Variants in MARCHF1 observed in about 807,000 individuals in gnomAD.
MARCHF1 encodes membrane associated ring-CH-type finger 1, also known as E3 ubiquitin-protein ligase MARCHF1.
In MARCHF1, 40 loss-of-function variants were observed where a neutral mutation model predicts 54.2. The ratio of observed to expected loss-of-function variants is 0.74; its 90% CI spans 0.57 to 0.96. The LOEUF (loss-of-function observed/expected upper bound fraction) is 0.96, where lower values mean the gene tolerates loss of function less well. Ranked by LOEUF, MARCHF1 falls within the 40% of genes least tolerant of loss-of-function variation. MARCHF1 has a pLI of 0.00. For synonymous variants in MARCHF1, 236 were observed against 236.3 expected, an observed-to-expected ratio of 1.00 and a Z score of 0.01; for missense variants, 586 against 656.5, an observed-to-expected ratio of 0.89 and a Z score of 1.17.
chr4:164,189,867 G>A lies in MARCHF1; in HGVS notation c.-322-78205C>T. 3 of 1,590,154 alleles carry A rather than the reference G, an allele frequency of 1.9e-6. No homozygotes were observed. In the South Asian group the frequency reaches 3.3e-5, roughly 18 times the overall value. ...TCCTCGTGGGGTCCCACAGATTGAA[G>A]TCACCTTTGAGATAGATGTGAATGG... is the stretch of plus-strand genomic sequence containing the variant. On this transcript the variant is annotated intron_variant, in intron 1 of 9. Coordinates refer to ENST00000514618, the MANE Select transcript of MARCHF1 (RefSeq NM_001394959.1).
At chr4:164,301,814 GA>G (rs1432236549) in intron 1 of MARCHF1, among the ~76,000 whole-genome samples, 1 of 152,206 alleles carries the variant, frequency 6.6e-6, no homozygotes, top group African/African-American at 2.4e-5. Flanking sequence ...TCGAATGCTG[GA>G]AATGGTCATG....
At chr4:163,618,549 T>C (rs1457752472) in intron 5 of MARCHF1, among the ~76,000 whole-genome samples, 3 of 152,172 alleles carry the variant, frequency 2.0e-5, no homozygotes, top group Non-Finnish European at 2.9e-5. Context: ...TTTTCACATG[T>C]ATTGCTGTCC....
chr4:164,352,482 C>T (rs1578889660), intron 1 of MARCHF1, among the ~76,000 whole-genome samples: 1 of 142,034 alleles, frequency 7.0e-6, no homozygotes, highest in South Asian at 2.5e-4. Context: ...AAAGAATTTT[C>T]AACCCAGAAT....
intron 5 of MARCHF1, among the ~76,000 whole-genome samples, chr4:163,661,526 G>A (rs1372915984): frequency 6.6e-6 from 1 of 151,724 alleles, no homozygotes; most frequent in Non-Finnish European, 1.5e-5. Context: ...TTTTCTAGAT[G>A]CTTTTCTTTT....
chr4:163,852,723 C>A (rs537609735), intron 4 of MARCHF1, among the ~76,000 whole-genome samples: 1 of 152,234 alleles, frequency 6.6e-6, no homozygotes, highest in Admixed American at 6.5e-5. Context: ...AAGTGAAAGC[C>A]TATTCTTTCA....
At chr4:164,021,446 C>G (rs1487841450) in intron 2 of MARCHF1, among the ~76,000 whole-genome samples, 2 of 152,030 alleles carry the variant, frequency 1.3e-5, no homozygotes, top group South Asian at 2.1e-4. Context: ...ACTTATTTAT[C>G]TTTGTTTTTC....
At chr4:163,720,418 T>G (rs1160503560) in intron 4 of MARCHF1, among the ~76,000 whole-genome samples, 3 of 152,222 alleles carry the variant, frequency 2.0e-5, no homozygotes, top group Non-Finnish European at 4.4e-5. Context: ...CCATGCTGTT[T>G]TGGTTACTGT....
intron 4 of MARCHF1, among the ~76,000 whole-genome samples, chr4:163,710,644 C>T (rs1745081242): frequency 6.6e-6 from 1 of 151,944 alleles, no homozygotes; most frequent in Non-Finnish European, 1.5e-5. Context: ...TAAGTTTACA[C>T]ACTCTTGTAC....
At chr4:163,991,261 A>G (rs1038495967) in intron 2 of MARCHF1, among the ~76,000 whole-genome samples, 3 of 152,212 alleles carry the variant, frequency 2.0e-5, no homozygotes, top group African/African-American at 7.2e-5. Flanking sequence ...ATATTTATCT[A>G]ACATTGTATT....
intron 4 of MARCHF1, among the ~76,000 whole-genome samples, chr4:163,801,844 A>G (rs191439476): frequency 9.9e-5 from 15 of 152,250 alleles, no homozygotes; most frequent in Admixed American, 3.3e-4. Flanking sequence ...GTTGTTGCCT[A>G]TATAAGTTCT....
intron 4 of MARCHF1, among the ~76,000 whole-genome samples, chr4:163,751,033 G>T (rs930195730): frequency 6.6e-6 from 1 of 152,046 alleles, no homozygotes; most frequent in African/African-American, 2.4e-5. Context: ...ATGGAAGAAT[G>T]ACCACAAAAA....
Position 163,869,975 on chromosome 4 carries a change from G to A in MARCHF1, c.-38-15806C>T, listed in dbSNP as rs1327045545. Among the ~76,000 whole-genome samples, 3 of 152,130 alleles carry A rather than the reference G, an allele frequency of 2.0e-5. No individual in the cohort carries two copies. The East Asian group carries it at 5.8e-4, about 29-fold the overall frequency. ...ATCTTTCAAAATAGTGAACTCTCCTGAGACTGCCTTTGAATATGAGAGAAA... is the reference window on the plus strand; with the variant it reads ...ATCTTTCAAAATAGTGAACTCTCCTAAGACTGCCTTTGAATATGAGAGAAA... On this transcript the variant is annotated intron_variant, in intron 3 of 9. Coordinates refer to ENST00000514618, the MANE Select transcript of MARCHF1 (RefSeq NM_001394959.1).
intron 8 of MARCHF1, among the ~76,000 whole-genome samples, chr4:163,582,148 T>C (rs779116486): frequency 3.9e-4 from 59 of 152,228 alleles, no homozygotes; most frequent in Non-Finnish European, 6.6e-4. Flanking sequence ...TTATGCTTCC[T>C]AGTTGATCTT....
intron 1 of MARCHF1, among the ~76,000 whole-genome samples, chr4:164,132,995 G>T (rs529960930): frequency 1.3e-5 from 2 of 152,108 alleles, no homozygotes; most frequent in Non-Finnish European, 2.9e-5. Context: ...GATTCCATTA[G>T]TCTTTAGCTT....
chr4:163,531,742 CAA>C (rs888794242), intron 9 of MARCHF1, among the ~76,000 whole-genome samples: 3 of 151,350 alleles, frequency 2.0e-5, no homozygotes, highest in African/African-American at 4.8e-5. Flanking sequence ...TTGCAGGATA[CAA>C]AGTTTTACAA....
At position 163,811,859 on chromosome 4, in the gene MARCHF1, A is replaced by C. The variant is rs943086505; in HGVS notation, c.111+42162T>G. Among the ~76,000 whole-genome samples, 5 of 152,154 alleles carry C rather than the reference A, an allele frequency of 3.3e-5. No individual in the cohort carries two copies. In the East Asian group the frequency reaches 9.6e-4, roughly 29 times the overall value. ...TTTTATGTGTCCACTTGACTGGGCCATGGGATGTCTTGATAGCCAGTTAAA... is the reference window on the plus strand; with the variant it reads ...TTTTATGTGTCCACTTGACTGGGCCCTGGGATGTCTTGATAGCCAGTTAAA... On this transcript the variant is annotated intron_variant, in intron 4 of 9. Transcript: ENST00000514618.
At chr4:163,649,175 T>C (rs10857362) in intron 5 of MARCHF1, among the ~76,000 whole-genome samples, 94,467 of 151,810 alleles carry the variant, frequency 0.62, 31,615 homozygotes, top group African/African-American at 0.87. Flanking sequence ...GAGCACAATA[T>C]GCTCCATTAG....
At chr4:163,734,648 A>C (rs892694419) in intron 4 of MARCHF1, among the ~76,000 whole-genome samples, 2 of 152,102 alleles carry the variant, frequency 1.3e-5, no homozygotes, top group Admixed American at 6.6e-5. Flanking sequence ...GATAGAAAGC[A>C]GATCAATAAT....
intron 8 of MARCHF1, among the ~76,000 whole-genome samples, chr4:163,578,897 G>T (rs920416754): frequency 6.6e-6 from 1 of 152,180 alleles, no homozygotes; most frequent in Non-Finnish European, 1.5e-5. Context: ...AACTGGGCAT[G>T]ATTGGAGGTC....
Sources: allele counts gnomAD v4.1 joint callset (sites outside exome capture counted in the v4.1 genomes callset), GRCh38; gene constraint gnomAD v4.1.1; transcripts MANE v1.5; gene names NCBI Gene and HGNC (gene_info 2026-07-23, HGNC 2026-07-21).